The following NCKAP5 variants were observed in gnomAD, a reference collection of about 807,000 sequenced individuals.
The protein encoded by NCKAP5 is NCK associated protein 5.
NCKAP5 carries 92 observed loss-of-function variants against 167.0 expected under a neutral mutation model. The observed-to-expected ratio is 0.55, with a 90% CI of 0.47 to 0.66. The LOEUF is 0.66. Among genes scored for constraint, NCKAP5 ranks in the 30% least tolerant of loss-of-function variants. NCKAP5 has a pLI of 0.00. For missense variants in NCKAP5, 2,378 were observed against 2,315.0 expected (o/e 1.03, Z -0.56); for synonymous variants, 891 against 877.4 (o/e 1.02, Z -0.27).
intron 6 of NCKAP5, among the ~76,000 whole-genome samples, chr2:133,090,620 C>T (rs1280051442): frequency 6.6e-6 from 1 of 152,120 alleles, no homozygotes; most frequent in East Asian, 1.9e-4. Context: ...AAATTTCTGT[C>T]CTTTTAAGCC....
At chr2:133,663,840 G>T in the NCKAP5 span, among the ~76,000 whole-genome samples, 1 of 152,148 alleles carries the variant, frequency 6.6e-6, no homozygotes, top group African/African-American at 2.4e-5. Flanking sequence ...TGTTAATGAT[G>T]ATATTTTGAC....
At chr2:132,687,712 AAC>A (rs3069016) in intron 19 of NCKAP5, among the ~76,000 whole-genome samples, 26,820 of 131,200 alleles carry the variant, frequency 0.2, 2,485 homozygotes, top group East Asian at 0.33. Flanking sequence ...CACCTACCTA[AAC>A]ACACACACAC....
intron 7 of NCKAP5, among the ~76,000 whole-genome samples, 173 bp from the exon 8 acceptor site, chr2:132,964,042 T>G (rs562263620): frequency 6.6e-6 from 1 of 152,370 alleles, no homozygotes; most frequent in Admixed American, 6.5e-5. Flanking sequence ...ATATTTTTAC[T>G]GACCCCTGGA....
chr2:132,932,398 G>T (rs1165184077), intron 8 of NCKAP5, among the ~76,000 whole-genome samples: 1 of 152,068 alleles, frequency 6.6e-6, no homozygotes, highest in East Asian at 1.9e-4. Flanking sequence ...AAAAAGCCAA[G>T]AGTAAGCATC....
chr2:133,369,646 G>A (rs570742961), intron 3 of NCKAP5, among the ~76,000 whole-genome samples: 48 of 152,248 alleles, frequency 3.2e-4, no homozygotes, highest in African/African-American at 8.4e-4. Flanking sequence ...TAAAAATAGG[G>A]AAGACAGACA....
At chr2:133,473,858 A>G (rs891144289) in intron 3 of NCKAP5, among the ~76,000 whole-genome samples, 4 of 152,200 alleles carry the variant, frequency 2.6e-5, no homozygotes, top group African/African-American at 9.6e-5. Flanking sequence ...AAATTCAAAC[A>G]TGTATCTAGA....
chr2:133,655,582 T>A, the NCKAP5 span, among the ~76,000 whole-genome samples: 1 of 152,168 alleles, frequency 6.6e-6, no homozygotes, highest in East Asian at 1.9e-4. Flanking sequence ...ATCAGGTTTT[T>A]AGGTCATGGA....
intron 3 of NCKAP5, among the ~76,000 whole-genome samples, chr2:133,430,811 T>C (rs1161671750): frequency 6.6e-6 from 1 of 151,466 alleles, no homozygotes; most frequent in East Asian, 1.9e-4. Context: ...ATGGGTATAA[T>C]CTGAGAGTTA....
chr2:133,497,932 G>A (rs555145566), intron 3 of NCKAP5, among the ~76,000 whole-genome samples: 2 of 152,172 alleles, frequency 1.3e-5, no homozygotes, highest in East Asian at 1.9e-4. Context: ...AACACAACCC[G>A]CAATGGTGAA....
intron 5 of NCKAP5, among the ~76,000 whole-genome samples, chr2:133,192,139 C>T (rs1299563614): frequency 1.3e-5 from 2 of 152,082 alleles, no homozygotes; most frequent in East Asian, 1.9e-4. Context: ...AGAAATACAC[C>T]TGCATGAATA....
chr2:132,836,540 A>G (rs1687900343), intron 11 of NCKAP5, among the ~76,000 whole-genome samples: 1 of 151,902 alleles, frequency 6.6e-6, no homozygotes, highest in African/African-American at 2.4e-5. Context: ...ATTCTCAGAT[A>G]TAAAGTTTAT....
At chr2:133,561,204 G>A (rs1688130815) in intron 1 of NCKAP5, among the ~76,000 whole-genome samples, 1 of 152,122 alleles carries the variant, frequency 6.6e-6, no homozygotes, top group Admixed American at 6.5e-5. Flanking sequence ...GTAACTGTTG[G>A]CAATTGGCCT....
chr2:132,839,305 T>C (rs147732239), intron 11 of NCKAP5, among the ~76,000 whole-genome samples: 12 of 152,346 alleles, frequency 7.9e-5, no homozygotes, highest in African/African-American at 2.6e-4. Context: ...TTCTTCTACA[T>C]TAAAATCTTA....
At chr2:132,962,985 T>A (rs1196382315) in intron 8 of NCKAP5, among the ~76,000 whole-genome samples, 2 of 151,980 alleles carry the variant, frequency 1.3e-5, no homozygotes, top group Non-Finnish European at 2.9e-5. Context: ...AGGCCCTTTA[T>A]AAGCTTATCG....
chr2:132,902,162 CT>C (rs1271589779), intron 8 of NCKAP5, among the ~76,000 whole-genome samples: 4 of 152,178 alleles, frequency 2.6e-5, no homozygotes, highest in Non-Finnish European at 5.9e-5. Context: ...CTCCATTTGT[CT>C]GTACTGGAAT....
the NCKAP5 span, among the ~76,000 whole-genome samples, chr2:133,584,992 A>AGGAAGGAAGGAAGGAG: frequency 1.4e-5 from 2 of 147,376 alleles, no homozygotes; most frequent in Non-Finnish European, 1.5e-5. Context: ...GAAGGAAGGA[A>AGGAAGGAAGGAAGGAG]GGAGGGAAAG....
chr2:133,537,073 CT>C (rs1402452314), intron 2 of NCKAP5, among the ~76,000 whole-genome samples: 4 of 152,002 alleles, frequency 2.6e-5, no homozygotes, highest in African/African-American at 9.7e-5. Context: ...TCTCACAGAA[CT>C]GTTTTGGCTC....
At chr2:132,953,703 GAA>G (rs34268055) in intron 8 of NCKAP5, among the ~76,000 whole-genome samples, 17 of 147,240 alleles carry the variant, frequency 1.2e-4, no homozygotes, top group South Asian at 6.5e-4. Flanking sequence ...CACAGAAGGG[GAA>G]AAAAAAAATA....
At chr2:133,211,547 C>T (rs1009781790) in intron 5 of NCKAP5, among the ~76,000 whole-genome samples, 3 of 152,124 alleles carry the variant, frequency 2.0e-5, no homozygotes, top group Non-Finnish European at 2.9e-5. Flanking sequence ...AACTCCCCTA[C>T]CCTGCTCTTT....
Sources: allele counts gnomAD v4.1 joint callset (sites outside exome capture counted in the v4.1 genomes callset), GRCh38; gene constraint gnomAD v4.1.1; transcripts MANE v1.5; gene names NCBI Gene and HGNC (gene_info 2026-07-23, HGNC 2026-07-21).